The following ATP9B variants were observed in gnomAD, a reference collection of about 807,000 sequenced individuals.
The protein encoded by ATP9B is probable phospholipid-transporting ATPase IIB.
A neutral mutation model predicts 146.1 loss-of-function variants in ATP9B; 110 were observed. The ratio of observed to expected loss-of-function variants is 0.75; its 90% CI spans 0.65 to 0.88. ATP9B has a LOEUF of 0.88. Among genes scored for constraint, ATP9B ranks in the 40% least tolerant of loss-of-function variants. The pLI, the probability that ATP9B is intolerant of heterozygous loss-of-function variation, is 0.00. For synonymous variants in ATP9B, 604 were observed against 569.7 expected (o/e 1.06, Z -0.86); for missense variants, 1,499 against 1,496.4 (o/e 1.00, Z -0.03).
intron 5 of ATP9B, among the ~76,000 whole-genome samples, chr18:79,128,187 G>A (rs1347812705): frequency 1.3e-5 from 2 of 150,932 alleles, no homozygotes; most frequent in Non-Finnish European, 2.9e-5. Flanking sequence ...AACCTCCCGA[G>A]AAACTGGGAT....
chr18:79,306,951 C>G (rs1026347477), intron 14 of ATP9B, 35 bp from the exon 15 acceptor site: 2 of 1,608,850 alleles, frequency 1.2e-6, no homozygotes, highest in Non-Finnish European at 1.7e-6. Context: ...TCTCTTTGCT[C>G]TATCTTTAAT....
At chr18:79,075,634 C>T (rs1388796135) in intron 1 of ATP9B, among the ~76,000 whole-genome samples, 2 of 152,178 alleles carry the variant, frequency 1.3e-5, no homozygotes, top group African/African-American at 2.4e-5. Flanking sequence ...TGCTTTCCTT[C>T]AATTAATGTT....
intron 13 of ATP9B, among the ~76,000 whole-genome samples, chr18:79,294,434 CA>C (rs1288062675): frequency 6.6e-6 from 1 of 152,234 alleles, no homozygotes; most frequent in Non-Finnish European, 1.5e-5. Flanking sequence ...CAGCCTTGCC[CA>C]GCCGTGGCTC....
chr18:79,167,229 C>T (rs1290848619), intron 7 of ATP9B, among the ~76,000 whole-genome samples: 4 of 152,312 alleles, frequency 2.6e-5, no homozygotes, highest in Non-Finnish European at 4.4e-5. Context: ...ACAGCTCTTT[C>T]ATTCCCACCA....
intron 15 of ATP9B, among the ~76,000 whole-genome samples, chr18:79,318,943 C>T (rs1313951548): frequency 6.6e-6 from 1 of 152,150 alleles, no homozygotes; most frequent in African/African-American, 2.4e-5. Flanking sequence ...TGTGGTCTTC[C>T]TTTAACTCGT....
At chr18:79,256,090 C>G (rs994218740) in intron 12 of ATP9B, among the ~76,000 whole-genome samples, 4 of 151,420 alleles carry the variant, frequency 2.6e-5, no homozygotes, top group African/African-American at 7.3e-5. Flanking sequence ...TGAAGTTATT[C>G]TATAAATATC....
chr18:79,175,420 A>G (rs2095149101), intron 7 of ATP9B, among the ~76,000 whole-genome samples: 1 of 152,202 alleles, frequency 6.6e-6, no homozygotes, highest in South Asian at 2.1e-4. Flanking sequence ...CCTAGCATCT[A>G]TTCCTGTTCC....
chr18:79,083,175 TCA>T (rs1350667617), intron 1 of ATP9B, among the ~76,000 whole-genome samples: 1 of 152,236 alleles, frequency 6.6e-6, no homozygotes, highest in East Asian at 1.9e-4. Flanking sequence ...TCTGCCTAGG[TCA>T]GACTTCCCAG....
rs535204497 is a variant in ATP9B, at chr18:79,162,300, G to A, written c.778+7745G>A. 4.6e-5 allele frequency among the ~76,000 whole-genome samples: 7 copies of A among 152,314 alleles called. No homozygotes were observed. The East Asian group carries it at 9.7e-4, about 21-fold the overall frequency. ...TTAACACAGAATATTCTGTTGGGCT[G>A]TGAGCTGATTGTTTAGAATGTAAAT... On this transcript the variant is annotated intron_variant, in intron 7 of 29. Transcript: ENST00000426216.
chr18:79,072,760 G>A (rs1212041692), intron 1 of ATP9B, among the ~76,000 whole-genome samples: 2 of 151,658 alleles, frequency 1.3e-5, no homozygotes, highest in African/African-American at 2.4e-5. Flanking sequence ...CCTCCCAGAC[G>A]GGGCGGCTGG....
intron 15 of ATP9B, among the ~76,000 whole-genome samples, chr18:79,317,075 A>G (rs1018725881): frequency 6.6e-6 from 1 of 152,232 alleles, no homozygotes; most frequent in Non-Finnish European, 1.5e-5. Context: ...CTCCATATAA[A>G]TCTGAGTAGA....
intron 15 of ATP9B, among the ~76,000 whole-genome samples, chr18:79,319,734 C>T (rs895753499): frequency 6.6e-6 from 1 of 152,150 alleles, no homozygotes; most frequent in South Asian, 2.1e-4. Flanking sequence ...TCTAGTTCCT[C>T]GGGATTAAAC....
intron 7 of ATP9B, among the ~76,000 whole-genome samples, chr18:79,175,201 AAAAAAAAAAAAAG>A (rs1404438321): frequency 6.6e-6 from 1 of 151,120 alleles, no homozygotes; most frequent in Non-Finnish European, 1.5e-5. Flanking sequence ...CTGTCTCAAA[AAAAAAAAAAAAAG>A]AAAAAAAAAA....
chr18:79,156,932 C>G (rs1227071137), intron 7 of ATP9B, among the ~76,000 whole-genome samples: 1 of 152,128 alleles, frequency 6.6e-6, no homozygotes, highest in Non-Finnish European at 1.5e-5. Context: ...CTCCAGTCCC[C>G]GGAAAGGCTC....
At chr18:79,325,477 C>T (rs116759553) in intron 15 of ATP9B, among the ~76,000 whole-genome samples, 2,338 of 152,192 alleles carry the variant, frequency 0.015, 65 homozygotes, top group African/African-American at 0.054. Flanking sequence ...AGATTGAGTA[C>T]GCACCATTTG....
At chr18:79,079,435 C>T (rs1265329305) in intron 1 of ATP9B, among the ~76,000 whole-genome samples, 1 of 152,172 alleles carries the variant, frequency 6.6e-6, no homozygotes, top group Non-Finnish European at 1.5e-5. Context: ...TTGTCGGCCG[C>T]ATAAATGTCT....
intron 6 of ATP9B, among the ~76,000 whole-genome samples, chr18:79,152,945 C>T (rs965625639): frequency 2.0e-5 from 3 of 152,106 alleles, no homozygotes; most frequent in Non-Finnish European, 4.4e-5. Flanking sequence ...CTAGTTTAAT[C>T]TAGTTTTATT....
chr18:79,359,576 T>G (rs1396580239), intron 26 of ATP9B, 114 bp downstream of exon 26: 1 of 778,322 alleles, frequency 1.3e-6, no homozygotes, highest in Admixed American at 2.0e-5. Flanking sequence ...TGAAAAACGA[T>G]TCTCTGTCCT....
intron 1 of ATP9B, among the ~76,000 whole-genome samples, chr18:79,072,234 GAGA>G: frequency 6.6e-6 from 1 of 152,050 alleles, no homozygotes; most frequent in East Asian, 1.9e-4. Flanking sequence ...CAATAGTGGA[GAGA>G]AGGTCAGCAG....
Sources: allele counts gnomAD v4.1 joint callset (sites outside exome capture counted in the v4.1 genomes callset), GRCh38; gene constraint gnomAD v4.1.1; transcripts MANE v1.5; gene names NCBI Gene and HGNC (gene_info 2026-07-23, HGNC 2026-07-21).